SLC25A28: variants seen among roughly 807,000 people sequenced by gnomAD.
SLC25A28 encodes the protein mitoferrin-2.
A neutral mutation model predicts 31.9 loss-of-function variants in SLC25A28; 10 were observed. That is an observed-to-expected ratio of 0.31 (90% CI 0.19 to 0.53). SLC25A28 has a LOEUF of 0.53. Among genes scored for constraint, SLC25A28 ranks in the 20% least tolerant of loss-of-function variants. The pLI is 0.95. For missense variants in SLC25A28, 256 were observed against 490.3 expected (o/e 0.52, Z 4.51); for synonymous variants, 208 against 203.6 (o/e 1.02, Z -0.19).
chr10:99,624,898 C>T (rs1187977343), upstream of SLC25A28, among the ~76,000 whole-genome samples: 8 of 152,110 alleles, frequency 5.3e-5, no homozygotes. Flanking sequence ...CAGCAGTTTC[C>T]TGCACCTGCA....
intron 3 of SLC25A28, among the ~76,000 whole-genome samples, chr10:99,612,124 C>A (rs1233046416): frequency 1.3e-5 from 2 of 152,194 alleles, no homozygotes; most frequent in African/African-American, 2.4e-5. Context: ...ACCTTTCATT[C>A]CTATCCCAAC....
intron 2 of SLC25A28, 65 bp from the exon 3 acceptor site, chr10:99,612,664 CCA>C (rs1491331746): frequency 1.9e-6 from 3 of 1,558,238 alleles, no homozygotes; most frequent in Non-Finnish European, 2.7e-6. Context: ...TTGAGGTCCC[CCA>C]GTGAAGGGGA....
upstream of SLC25A28, among the ~76,000 whole-genome samples, chr10:99,623,587 G>A (rs533504501): frequency 5.3e-5 from 8 of 152,206 alleles, no homozygotes; most frequent in South Asian, 2.1e-4. Context: ...TGCCTGCCTC[G>A]AGGATCCCCT....
chr10:99,616,276 G>A (rs747725134), intron 1 of SLC25A28: 4 of 887,868 alleles, frequency 4.5e-6, no homozygotes, highest in African/African-American at 1.8e-5. Context: ...TGCTAGTTGT[G>A]TGATCTTGGG....
Position 99,613,587 on chromosome 10 carries a change from C to G in SLC25A28, c.520+109G>C, listed in dbSNP as rs775103914. On this transcript the variant is annotated intron_variant, in intron 2 of 3. Transcript: ENST00000370495. This position sits in a 1 kb window ranked among gnomAD's most constrained non-coding sequence, Gnocchi z 4.9. Reference sequence around the variant, plus strand: ...GTCCCTCCCTTATAATCTGGCCTATCCCAGCCCAAAGCTTCAGCTCCAAAC... The same window carrying G: ...GTCCCTCCCTTATAATCTGGCCTATGCCAGCCCAAAGCTTCAGCTCCAAAC... 2.6e-6 allele frequency: 4 copies of G among 1,565,154 alleles called. No individual in the cohort carries two copies. In the African/African-American group the frequency reaches 5.4e-5, roughly 21 times the overall value.
At chr10:99,619,905 C>G in intron 1 of SLC25A28, 140 bp downstream of exon 1, 1 of 816,876 alleles carries the variant, frequency 1.2e-6, no homozygotes, top group Non-Finnish European at 1.7e-6. Context: ...AATGGAGTGT[C>G]GGTTCGAATC....
chr10:99,631,383 G>T, the SLC25A28 span, among the ~76,000 whole-genome samples: 1 of 151,958 alleles, frequency 6.6e-6, no homozygotes, highest in Non-Finnish European at 1.5e-5. Context: ...GCTGGTTAGT[G>T]GTGAAACCAG....
At chr10:99,617,738 G>A in intron 1 of SLC25A28, 1 of 985,386 alleles carries the variant, frequency 1.0e-6, no homozygotes, top group South Asian at 4.7e-5. Flanking sequence ...CTTTCGTATT[G>A]TTGACAACTC....
At position 99,610,712 on chromosome 10, in the gene SLC25A28, C is replaced by T; in HGVS notation, c.*137G>A. Reference sequence around the variant, plus strand: ...GAGGTTGGCAGGAACTGGTGTTAGTCAAAACACCAAAATCCTGGGGGAGAG... The same window carrying T: ...GAGGTTGGCAGGAACTGGTGTTAGTTAAAACACCAAAATCCTGGGGGAGAG... On this transcript the variant is annotated 3_prime_UTR_variant, in exon 4 of 4. Transcript: ENST00000370495. 1.7e-6 allele frequency: 2 copies of T among 1,168,356 alleles called. No individual in the cohort carries two copies. Among genetic ancestry groups the T allele is most frequent in the South Asian group, 1.5e-5 (1 of 65,668 alleles). 72.4% of individuals were successfully genotyped at this position (1,168,356 alleles called of 1,614,324 possible).
rs1432889800 is a variant in SLC25A28 at position 99,620,231 on chromosome 10, C to A, written c.105G>T (p.Arg35=). The A allele has an allele frequency of 1.5e-6, 2 of 1,371,980 alleles. No homozygotes were observed. Among genetic ancestry groups the A allele is most frequent in the Non-Finnish European group, 1.9e-6 (2 of 1,064,484 alleles). The allele number at this position is 1,371,980 out of a possible 1,614,324, so 85.0% of individuals were successfully genotyped here. A position where few individuals can be genotyped will look rare whatever the true frequency, so the allele number is the denominator to read the frequency against. The part of the protein sequence containing the change: ...ESALLDGWLQ[R]GVGRGAGGGE... The stretch of plus-strand genomic sequence containing the variant: ...CGCCGCCGGCCCCCCGGCCCACGCC[C>A]CGCTGCAGCCACCCGTCCAGCAGCG... Residue 35 remains arginine (R), a synonymous_variant, in exon 1 of 4, where the codon CGG becomes CGT. Transcript: ENST00000370495.
At chr10:99,647,591 A>G in the SLC25A28 span, among the ~76,000 whole-genome samples, 1 of 151,978 alleles carries the variant, frequency 6.6e-6, no homozygotes, top group African/African-American at 2.4e-5. Flanking sequence ...ATTTGCAAAT[A>G]TTTTCTCCCA....
chr10:99,652,412 C>A, the SLC25A28 span, among the ~76,000 whole-genome samples: 1 of 152,154 alleles, frequency 6.6e-6, no homozygotes, highest in Middle Eastern at 3.4e-3. Context: ...CTCTCATATG[C>A]TCTTTAAGAA....
chr10:99,639,689 A>C, the SLC25A28 span, among the ~76,000 whole-genome samples: 1 of 142,336 alleles, frequency 7.0e-6, no homozygotes. Flanking sequence ...CTTGGCACTG[A>C]TCTTATTCCA....
At chr10:99,635,471 G>T in the SLC25A28 span, among the ~76,000 whole-genome samples, 24 of 151,978 alleles carry the variant, frequency 1.6e-4, no homozygotes, top group African/African-American at 5.5e-4. Context: ...CACGAGGTCA[G>T]GAGATTGAGA....
the SLC25A28 span, among the ~76,000 whole-genome samples, chr10:99,652,415 T>C: frequency 2.6e-5 from 4 of 152,012 alleles, no homozygotes; most frequent in African/African-American, 7.3e-5. Context: ...TCATATGCTC[T>C]TTAAGAAAAG....
upstream of SLC25A28, among the ~76,000 whole-genome samples, chr10:99,624,109 C>T (rs2034838661): frequency 6.8e-6 from 1 of 147,154 alleles, no homozygotes; most frequent in African/African-American, 2.5e-5. Context: ...CTTCCTTTCT[C>T]CTTCCTTCCT....
At chr10:99,643,515 C>A in the SLC25A28 span, among the ~76,000 whole-genome samples, 1 of 152,112 alleles carries the variant, frequency 6.6e-6, no homozygotes, top group East Asian at 1.9e-4. Flanking sequence ...TTCAAAAAAC[C>A]AGCTCCTGGA....
At chr10:99,647,494 A>G in the SLC25A28 span, among the ~76,000 whole-genome samples, 1 of 152,044 alleles carries the variant, frequency 6.6e-6, no homozygotes, top group African/African-American at 2.4e-5. Context: ...CCTTTGCCCA[A>G]TTTTTAATGG....
chr10:99,644,648 A>G, the SLC25A28 span, among the ~76,000 whole-genome samples: 5 of 152,106 alleles, frequency 3.3e-5, no homozygotes, highest in Non-Finnish European at 7.4e-5. Flanking sequence ...TCTTCCTAGC[A>G]TCAATGGTCT....
Sources: gnomAD v4.1 joint callset for allele counts (sites outside exome capture counted in the v4.1 genomes callset) on GRCh38, gnomAD v4.1.1 for gene constraint, Gnocchi (gnomAD v3.1) non-coding constraint, MANE v1.5 for transcripts, NCBI Gene and HGNC (gene_info 2026-07-23, HGNC 2026-07-21) for gene names.